PLA2G4E: variants seen among roughly 807,000 people sequenced by gnomAD.
PLA2G4E encodes cytosolic phospholipase A2 epsilon.
In PLA2G4E, 84 loss-of-function variants were observed where a neutral mutation model predicts 109.1. That is an observed-to-expected ratio of 0.77 (90% CI 0.65 to 0.92). PLA2G4E has a LOEUF of 0.92. Ranked by LOEUF, PLA2G4E falls within the 40% of genes least tolerant of loss-of-function variation. PLA2G4E has a pLI of 0.00. For synonymous variants in PLA2G4E, 469 were observed against 436.1 expected (o/e 1.08, Z -0.94); for missense variants, 1,057 against 1,076.6 (o/e 0.98, Z 0.25).
At chr15:42,046,937 T>C (rs891308123) in intron 1 of PLA2G4E, among the ~76,000 whole-genome samples, 2 of 152,110 alleles carry the variant, frequency 1.3e-5, no homozygotes, top group African/African-American at 4.8e-5. Flanking sequence ...AATATGCTAC[T>C]CAGTAATGGG....
At chr15:42,012,887 G>C (rs2068551107) in intron 2 of PLA2G4E, among the ~76,000 whole-genome samples, 1 of 152,214 alleles carries the variant, frequency 6.6e-6, no homozygotes, top group African/African-American at 2.4e-5. Context: ...TGTGGGGCCT[G>C]GATATACAGC....
At chr15:42,036,104 T>G (rs1195278548) in intron 1 of PLA2G4E, among the ~76,000 whole-genome samples, 2 of 152,218 alleles carry the variant, frequency 1.3e-5, no homozygotes, top group East Asian at 3.9e-4. Context: ...CTTATGATTT[T>G]GTGGGTTAGA....
rs1410755908 is a variant in PLA2G4E at position 42,001,164 on chromosome 15, C to T, written c.666G>A (p.Arg222=). The T allele has an allele frequency of 3.1e-6, 5 of 1,613,312 alleles. No homozygotes were observed. The Admixed American group carries it at 6.7e-5, about 22-fold the overall frequency. Reference sequence around the variant, plus strand: ...AAAGGCAAAACAGCTCACTTTTCTCCCTCTTCCTCCGCCTCCTGGATTGTG... The same window carrying T: ...AAAGGCAAAACAGCTCACTTTTCTCTCTCTTCCTCCGCCTCCTGGATTGTG... The change falls in exon 7 of 20, where the codon AGG becomes AGA. Residue 222 remains arginine (R), a synonymous_variant. Coordinates refer to ENST00000399518, the Ensembl canonical transcript of PLA2G4E.
intron 2 of PLA2G4E, among the ~76,000 whole-genome samples, chr15:42,010,994 G>A (rs1316481582): frequency 6.6e-6 from 1 of 152,252 alleles, no homozygotes; most frequent in Non-Finnish European, 1.5e-5. Context: ...GGACCTAAAA[G>A]ACATCGGGAT....
chr15:41,986,477 T>C (rs1393737117), intron 17 of PLA2G4E, among the ~76,000 whole-genome samples: 1 of 151,332 alleles, frequency 6.6e-6, no homozygotes, highest in Non-Finnish European at 1.5e-5. Flanking sequence ...TGGGGGTTCC[T>C]GAGCTGGGCC....
chr15:42,025,528 C>G (rs371697101), intron 1 of PLA2G4E, among the ~76,000 whole-genome samples: 1 of 151,846 alleles, frequency 6.6e-6, no homozygotes, highest in African/African-American at 2.4e-5. Flanking sequence ...GCTTCCCTAT[C>G]TTAGTGCACC....
At chr15:42,035,308 G>C (rs1432599416) in intron 1 of PLA2G4E, among the ~76,000 whole-genome samples, 1 of 152,158 alleles carries the variant, frequency 6.6e-6, no homozygotes, top group Non-Finnish European at 1.5e-5. Flanking sequence ...TACTGCCTTG[G>C]TGACATCCCC....
chr15:41,985,841 TTGTC>T lies in PLA2G4E; in HGVS notation c.2196_2199del (p.Thr733SerfsTer3), dbSNP rs944027620. ...CAGGAGGGAGGCTGCGCACTTGCCTTTGTCTGGGACCCAGCACAGTAGTTGAGGT... is the reference window on the plus strand; with the variant it reads ...CAGGAGGGAGGCTGCGCACTTGCCTTTGGGACCCAGCACAGTAGTTGAGGT... On this transcript the variant is annotated frameshift_variant, in exon 18 of 20. Coordinates refer to ENST00000399518, the Ensembl canonical transcript of PLA2G4E. LOFTEE classifies it high-confidence loss of function. The T allele has an allele frequency of 1.2e-6, 2 of 1,609,552 alleles. No individual in the cohort carries two copies. Among genetic ancestry groups the T allele is most frequent in the African/African-American group, 2.7e-5 (2 of 74,878 alleles).
intron 1 of PLA2G4E, among the ~76,000 whole-genome samples, chr15:42,014,896 AC>A (rs2068573546): frequency 6.6e-6 from 1 of 151,870 alleles, no homozygotes; most frequent in Admixed American, 6.6e-5. Flanking sequence ...GGTCATGATA[AC>A]CCCAGGGGAC....
At chr15:42,042,614 T>C (rs1214440909) in intron 1 of PLA2G4E, among the ~76,000 whole-genome samples, 1 of 152,172 alleles carries the variant, frequency 6.6e-6, no homozygotes, top group African/African-American at 2.4e-5. Flanking sequence ...AAGTATCTTC[T>C]CCCATGGCCA....
chr15:42,032,897 T>G lies in PLA2G4E; in HGVS notation c.183+17624A>C, dbSNP rs60848933. ...GATTTGGGTTACGTGAAAACAGAAT[T>G]TGTGGCCTGTTCTTGGCAGGATCCA... On this transcript the variant is annotated intron_variant, in intron 1 of 19. Coordinates refer to ENST00000399518, the Ensembl canonical transcript of PLA2G4E. Among the ~76,000 whole-genome samples, 924 of 152,160 alleles carry G rather than the reference T, an allele frequency of 6.1e-3. 13 individuals are homozygous for G. Among genetic ancestry groups the G allele is most frequent in the African/African-American group, 0.021 (892 of 41,492 alleles).
intron 1 of PLA2G4E, among the ~76,000 whole-genome samples, chr15:42,038,607 C>T (rs1889259405): frequency 6.6e-6 from 1 of 152,220 alleles, no homozygotes; most frequent in Admixed American, 6.5e-5. Context: ...TGTTCACCAG[C>T]CTGCTGCTCA....
chr15:42,017,503 A>G (rs2068606839), intron 1 of PLA2G4E, among the ~76,000 whole-genome samples: 2 of 152,214 alleles, frequency 1.3e-5, no homozygotes, highest in South Asian at 4.1e-4. Context: ...AGCAGTTATT[A>G]TTAGCTTCGT....
exon 20 of PLA2G4E, chr15:41,983,559 C>G: frequency 1.7e-6 from 1 of 601,186 alleles, no homozygotes; most frequent in South Asian, 2.1e-5. Context: ...AAAACCCCAA[C>G]AGAGCTCCTC....
Position 42,000,007 on chromosome 15 carries a change from G to T in PLA2G4E, c.853-7C>A, listed in dbSNP as rs748080854. On this transcript the variant is annotated splice_region_variant and splice_polypyrimidine_tract_variant and intron_variant, in intron 8 of 19. Transcript: ENST00000399518. ...TGCGAGAGCGGCAGCAAAGCTGGAGGGATGGGTGGGTTCTGTGAGAGGGGC... is the reference window on the plus strand; with the variant it reads ...TGCGAGAGCGGCAGCAAAGCTGGAGTGATGGGTGGGTTCTGTGAGAGGGGC... The T allele has an allele frequency of 6.9e-6, 11 of 1,603,320 alleles. No individual in the cohort carries two copies. The East Asian group carries it at 1.4e-4, about 20-fold the overall frequency.
intron 4 of PLA2G4E, 69 bp downstream of exon 4, chr15:42,005,921 T>C: frequency 1.3e-6 from 2 of 1,544,890 alleles, no homozygotes; most frequent in Non-Finnish European, 1.8e-6. Context: ...GGAATGGCTT[T>C]GTGGGAATCA....
intron 5 of PLA2G4E, among the ~76,000 whole-genome samples, chr15:42,004,302 GAAAGAAAGGAAAGA>G (rs1210643239): frequency 1.4e-5 from 2 of 144,756 alleles, no homozygotes; most frequent in African/African-American, 2.5e-5. Flanking sequence ...ACGAAAGAAA[GAAAGAAAGGAAAGA>G]AAAGGAAAGA....
chr15:41,995,524 G>A (rs1239688660), intron 11 of PLA2G4E, 28 bp from the exon 12 acceptor site: 2 of 1,608,258 alleles, frequency 1.2e-6, no homozygotes, highest in African/African-American at 1.3e-5. Context: ...CAGGCGGTTG[G>A]GGAAGGCTCC....
chr15:42,030,545 TGGA>T (rs1476192194), intron 1 of PLA2G4E, among the ~76,000 whole-genome samples: 3 of 152,196 alleles, frequency 2.0e-5, no homozygotes, highest in African/African-American at 7.2e-5. Context: ...TGCACGTTTG[TGGA>T]GGAGGAGGAG....
Sources: allele counts gnomAD v4.1 joint callset (sites outside exome capture counted in the v4.1 genomes callset), GRCh38; gene constraint gnomAD v4.1.1; transcripts MANE v1.5; gene names NCBI Gene and HGNC (gene_info 2026-07-23, HGNC 2026-07-21).